The following NUAK2 variants were observed in gnomAD, a reference collection of about 807,000 sequenced individuals.
The protein encoded by NUAK2 is NUAK family SNF1-like kinase 2.
Under a neutral mutation model 29.8 loss-of-function variants are expected in NUAK2, and 20 were observed. That is an observed-to-expected ratio of 0.67 (90% CI 0.47 to 0.98). The LOEUF is 0.98. Ranked by LOEUF, NUAK2 falls within the 50% of genes least tolerant of loss-of-function variation. The pLI is 0.00. For synonymous variants in NUAK2, 331 were observed against 342.6 expected (o/e 0.97, Z 0.37); for missense variants, 719 against 834.5 (o/e 0.86, Z 1.71).
At position 205,321,610 on chromosome 1, in the gene NUAK2, C is replaced by A. The variant is rs1443895459; in HGVS notation, c.19G>T (p.Ala7Ser). The change falls in exon 1 of 7, where the codon GCG becomes TCG. Residue 7 changes from alanine to serine, a missense_variant. By Grantham distance (99) the Ala-to-Ser change is moderately conservative. Coordinates refer to ENST00000367157, the MANE Select transcript of NUAK2 (RefSeq NM_030952.3). MESLVF[A>S]RRSGPTPSAA... ...GAGGGAGTGGGGCCGGAGCGCCGCG[C>A]GAAAACCAGCGACTCCATGGCGAGC... 1.2e-6 allele frequency: 2 copies of A among 1,610,468 alleles called. No homozygotes were observed. Among genetic ancestry groups the A allele is most frequent in the Non-Finnish European group, 1.7e-6 (2 of 1,179,576 alleles).
At position 205,303,758 on chromosome 1, in the gene NUAK2, G is replaced by A; in HGVS notation, c.1579C>T (p.Leu527Phe). ...CGGGCCAGGGGGCGAGGTGGGGCGA[G>A]TTCATCCAGGGAGCCGAAGGTGGTG... ...APTTFGSLDE[L>F]APPRPLARAS... The change falls in exon 7 of 7, where the codon CTC becomes TTC. Residue 527 changes from leucine to phenylalanine, a missense_variant. Coordinates refer to ENST00000367157, the MANE Select transcript of NUAK2 (RefSeq NM_030952.3). The A allele has an allele frequency of 6.5e-7, 1 of 1,546,306 alleles. No homozygotes were observed. Among genetic ancestry groups the A allele is most frequent in the Non-Finnish European group, 8.7e-7 (1 of 1,147,382 alleles).
rs1423865313 is a variant in NUAK2 at position 205,308,059 on chromosome 1, CA to C, written c.570+105del. Reference sequence around the variant, plus strand: ...AGTACCAATGAAGGTCAGCCTTGCTCAGCTCCTTCAGGAATCCACCAAGAGC... The same window carrying C: ...AGTACCAATGAAGGTCAGCCTTGCTCGCTCCTTCAGGAATCCACCAAGAGC... On this transcript the variant is annotated intron_variant, in intron 4 of 6. Transcript: ENST00000367157. This position sits in a 1 kb window ranked among gnomAD's most constrained non-coding sequence, Gnocchi z 4.1. 1.3e-6 allele frequency: 1 copy of C among 762,316 alleles called. No individual in the cohort carries two copies. The highest frequency in any genetic ancestry group is 2.3e-6 in the Non-Finnish European group (1 of 438,998). The allele number at this position is 762,316 out of a possible 1,614,324, so 47.2% of individuals were successfully genotyped here.
rs1163322183 is a variant in NUAK2, at chr1:205,302,981, T to C, written c.*469A>G. ...CAGGATGCCTCATGCACATTAGGGGTGCCACCATCCAGTTCTGGTGGTTGG... is the reference window on the plus strand; with the variant it reads ...CAGGATGCCTCATGCACATTAGGGGCGCCACCATCCAGTTCTGGTGGTTGG... On this transcript the variant is annotated 3_prime_UTR_variant, in exon 7 of 7. Coordinates refer to ENST00000367157, the MANE Select transcript of NUAK2 (RefSeq NM_030952.3). 6.6e-6 allele frequency: 1 copy of C among 152,654 alleles called. No individual in the cohort carries two copies. Among genetic ancestry groups the C allele is most frequent in the Non-Finnish European group, 1.5e-5 (1 of 68,454 alleles). The allele number at this position is 152,654 out of a possible 1,614,324, so 9.5% of individuals were successfully genotyped here.
At position 205,313,976 on chromosome 1, in the gene NUAK2, C is replaced by T. The variant is rs977836843; in HGVS notation, c.232-2151G>A. ...GGAGGGTTTGCGTCCCCTCAAGATT[C>T]AAAGGGAGAGAGAAAAAAGGAAACC... is the stretch of plus-strand genomic sequence containing the variant. On this transcript the variant is annotated intron_variant, in intron 1 of 6. Coordinates refer to ENST00000367157, the MANE Select transcript of NUAK2 (RefSeq NM_030952.3). Among the ~76,000 whole-genome samples, 5 of 152,326 alleles carry T rather than the reference C, an allele frequency of 3.3e-5. No individual in the cohort carries two copies. The East Asian group carries it at 9.7e-4, about 29-fold the overall frequency.
chr1:205,315,387 A>G (rs564876779), intron 1 of NUAK2, among the ~76,000 whole-genome samples: 3 of 152,360 alleles, frequency 2.0e-5, no homozygotes, highest in South Asian at 4.1e-4. Flanking sequence ...ACTGGTGAAC[A>G]TAAATCGCAA....
chr1:205,312,996 G>A (rs1483587217), intron 1 of NUAK2, among the ~76,000 whole-genome samples: 1 of 152,138 alleles, frequency 6.6e-6, no homozygotes, highest in Non-Finnish European at 1.5e-5. Flanking sequence ...CCACTTAAAT[G>A]AGGTACCTGG....
chr1:205,306,392 TG>T (rs776260773), intron 4 of NUAK2, 85 bp from the exon 5 acceptor site: 3 of 1,508,564 alleles, frequency 2.0e-6, no homozygotes, highest in Admixed American at 2.2e-5. Flanking sequence ...CTCCAGACCC[TG>T]GGGAAACCCA....
rs757389425 is a variant in NUAK2 at position 205,321,536 on chromosome 1, G to C, written c.93C>G (p.Pro31=). ...RPLAEGLIKS[P]KPLMKKQAVK... is the part of the protein sequence containing the mutation. ...CCGCCTGCTTCTTCATTAGGGGCTT[G>C]GGCGACTTGATCAGCCCTTCCGCCA... The change falls in exon 1 of 7, where the codon CCC becomes CCG. Residue 31 remains proline, a synonymous_variant. Transcript: ENST00000367157. The C allele has an allele frequency of 4.3e-6, 7 of 1,613,776 alleles. No homozygotes were observed. In the Admixed American group the frequency reaches 8.3e-5, roughly 19 times the overall value.
chr1:205,320,769 A>T (rs1033109111), intron 1 of NUAK2, among the ~76,000 whole-genome samples: 1 of 152,190 alleles, frequency 6.6e-6, no homozygotes, highest in Admixed American at 6.5e-5. Context: ...ATGTTCTTGA[A>T]AAGGCCCCCA....
At chr1:205,310,368 T>C (rs906323707) in intron 2 of NUAK2, among the ~76,000 whole-genome samples, 1 of 152,190 alleles carries the variant, frequency 6.6e-6, no homozygotes, top group African/African-American at 2.4e-5. Flanking sequence ...AGGTTAGATG[T>C]CATTTCCCAG....
chr1:205,307,637 A>T (rs376425459), intron 4 of NUAK2, among the ~76,000 whole-genome samples: 1 of 152,210 alleles, frequency 6.6e-6, no homozygotes, highest in African/African-American at 2.4e-5. Flanking sequence ...GAACTTCTCC[A>T]TGCCTAAATT....
At chr1:205,314,191 AGGGAT>A (rs1454651595) in intron 1 of NUAK2, among the ~76,000 whole-genome samples, 2 of 152,218 alleles carry the variant, frequency 1.3e-5, no homozygotes, top group Admixed American at 6.5e-5. Context: ...GCAACGGGCC[AGGGAT>A]GGCGTGCCCT....
chr1:205,311,882 G>A (rs1558674813), intron 1 of NUAK2, 57 bp from the exon 2 acceptor site: 4 of 1,606,610 alleles, frequency 2.5e-6, no homozygotes, highest in Non-Finnish European at 3.4e-6. Context: ...CACTCTGGGG[G>A]CCCTGGTCCT....
Position 205,308,532 on chromosome 1 carries a change from C to T in NUAK2, c.504+49G>A. On this transcript the variant is annotated intron_variant, in intron 3 of 6. Coordinates refer to ENST00000367157, the MANE Select transcript of NUAK2 (RefSeq NM_030952.3). This position sits in a 1 kb window ranked among gnomAD's most constrained non-coding sequence, Gnocchi z 4.1. ...TCTCTGGTCCAAAACAGCCCTAGAG[C>T]CCTGGGGACCACCCACTGAGAATAT... 1 of 1,593,026 alleles carries T rather than the reference C, an allele frequency of 6.3e-7. No individual in the cohort carries two copies.
At chr1:205,316,936 C>T (rs935036428) in intron 1 of NUAK2, among the ~76,000 whole-genome samples, 2 of 152,182 alleles carry the variant, frequency 1.3e-5, no homozygotes, top group Admixed American at 6.5e-5. Flanking sequence ...TTCCACAACA[C>T]ATCAAGACAC....
chr1:205,306,071 G>T, intron 5 of NUAK2, 117 bp downstream of exon 5: 3 of 1,385,290 alleles, frequency 2.2e-6, no homozygotes, highest in Non-Finnish European at 2.0e-6. Flanking sequence ...TTTTTGGGAG[G>T]CTTGAGAGTT....
rs778425709 is a variant in NUAK2, at chr1:205,302,160, T to C, written c.*1290A>G. The C allele has an allele frequency of 2.9e-4, 44 of 152,110 alleles. No individual in the cohort carries two copies. The highest frequency in any genetic ancestry group is 1.0e-3 in the African/African-American group (43 of 41,318). The allele number at this position is 152,110 out of a possible 1,614,324, so 9.4% of individuals were successfully genotyped here. A position where few individuals can be genotyped will look rare whatever the true frequency, so the allele number is the denominator to read the frequency against. On this transcript the variant is annotated 3_prime_UTR_variant, in exon 7 of 7. Coordinates refer to ENST00000367157, the MANE Select transcript of NUAK2 (RefSeq NM_030952.3). ...AGAGACTCAAGAGTGTGGAGTGGAGTGTGGGGGGTTGTGGGAGGAGGTGGA... is the reference window on the plus strand; with the variant it reads ...AGAGACTCAAGAGTGTGGAGTGGAGCGTGGGGGGTTGTGGGAGGAGGTGGA...
Position 205,303,774 on chromosome 1 carries a change from G to C in NUAK2, c.1563C>G (p.Phe521Leu). Reference protein sequence around the residue: ...TALELAAPTTFGSLDELAPPR... With the variant: ...TALELAAPTTLGSLDELAPPR... The stretch of plus-strand genomic sequence containing the variant: ...GTGGGGCGAGTTCATCCAGGGAGCC[G>C]AAGGTGGTGGGGGCCGCGAGCTCCA... Residue 521 changes from phenylalanine (F) to leucine (L), a missense_variant, in exon 7 of 7, where the codon TTC becomes TTG. Phe to Leu is a conservative substitution (Grantham distance 22). Coordinates refer to ENST00000367157, the MANE Select transcript of NUAK2 (RefSeq NM_030952.3). 1 of 1,554,876 alleles carries C rather than the reference G, an allele frequency of 6.4e-7. No homozygotes were observed. Among genetic ancestry groups the C allele is most frequent in the Non-Finnish European group, 8.7e-7 (1 of 1,151,284 alleles).
chr1:205,311,374 C>T (rs147101929), intron 2 of NUAK2, among the ~76,000 whole-genome samples: 6 of 152,218 alleles, frequency 3.9e-5, no homozygotes, highest in African/African-American at 9.6e-5. Context: ...TAGGGAAAAC[C>T]GAATTATAAC....
Sources: allele counts gnomAD v4.1 joint callset (sites outside exome capture counted in the v4.1 genomes callset), GRCh38; gene constraint gnomAD v4.1.1; non-coding constraint Gnocchi (gnomAD v3.1); transcripts MANE v1.5; gene names NCBI Gene and HGNC (gene_info 2026-07-23, HGNC 2026-07-21).